The following SH3D19 variants were observed in gnomAD, a reference collection of about 807,000 sequenced individuals.
SH3D19 encodes the protein SH3 domain containing 19.
SH3D19 carries 58 observed loss-of-function variants against 112.1 expected under a neutral mutation model. That is an observed-to-expected ratio of 0.52 (90% CI 0.42 to 0.64). SH3D19 has a LOEUF of 0.64. Ranked by LOEUF, SH3D19 falls within the 30% of genes least tolerant of loss-of-function variation. The pLI is 0.00. For synonymous variants in SH3D19, 391 were observed against 448.5 expected, an observed-to-expected ratio of 0.87 and a Z score of 1.62; for missense variants, 1,090 against 1,263.4, an observed-to-expected ratio of 0.86 and a Z score of 2.08.
At chr4:151,153,863 C>T (rs1404669077) in intron 9 of SH3D19, among the ~76,000 whole-genome samples, 2 of 152,194 alleles carry the variant, frequency 1.3e-5, no homozygotes, top group Non-Finnish European at 2.9e-5. Context: ...GGTATCTCTC[C>T]AGATGGTTTA....
At chr4:151,205,620 C>T (rs1393967569) in intron 2 of SH3D19, among the ~76,000 whole-genome samples, 1 of 152,088 alleles carries the variant, frequency 6.6e-6, no homozygotes, top group African/African-American at 2.4e-5. Flanking sequence ...AAATATGAAA[C>T]TTAAAACACT....
intron 1 of SH3D19, among the ~76,000 whole-genome samples, chr4:151,288,647 C>T (rs1004054719): frequency 3.3e-5 from 5 of 149,342 alleles, no homozygotes; most frequent in South Asian, 2.2e-4. Context: ...CCAGCCTGGG[C>T]GGGGCAACGA....
intron 7 of SH3D19, among the ~76,000 whole-genome samples, chr4:151,166,715 T>C (rs56357656): frequency 2.6e-3 from 403 of 152,318 alleles, no homozygotes; most frequent in Non-Finnish European, 4.0e-3. Context: ...CCATAGCTCC[T>C]GTGATGAACA....
At position 151,137,860 on chromosome 4, in the gene SH3D19, G is replaced by T; in HGVS notation, c.2299C>A (p.Gln767Lys). ...GAAGTGAGGTTCAAATCATCAACTT[G>T]CTCTGTAATATAAAATTATAGTTAT... ...AVVLHDFPAE[Q>K]VDDLNLTSGE... Residue 767 changes from glutamine to lysine, a missense_variant and splice_region_variant, in exon 14 of 20, where the codon CAA becomes AAA. Gln to Lys is a moderately conservative substitution (Grantham distance 53). Coordinates refer to ENST00000604030, the MANE Select transcript of SH3D19 (RefSeq NM_001378122.1). 1 of 1,592,446 alleles carries T rather than the reference G, an allele frequency of 6.3e-7. No homozygotes were observed. The highest frequency in any genetic ancestry group is 8.5e-7 in the Non-Finnish European group (1 of 1,173,590).
Position 151,127,604 on chromosome 4 carries a change from A to G in SH3D19, c.3027+14T>C. ...TAGTGCTTAATGCAGTTATGAAGAG[A>G]TACACATTCTGACCTTGAAGGAAAG... On this transcript the variant is annotated intron_variant, in intron 19 of 19. Transcript: ENST00000604030. 6.6e-7 allele frequency: 1 copy of G among 1,507,090 alleles called. No individual in the cohort carries two copies. Among genetic ancestry groups the G allele is most frequent in the Non-Finnish European group, 9.1e-7 (1 of 1,102,552 alleles). The allele number at this position is 1,507,090 out of a possible 1,614,324, so 93.4% of individuals were successfully genotyped here.
chr4:151,191,765 C>A (rs1289831237), intron 2 of SH3D19, among the ~76,000 whole-genome samples: 1 of 151,772 alleles, frequency 6.6e-6, no homozygotes, highest in Non-Finnish European at 1.5e-5. Flanking sequence ...CCTGCCTCAG[C>A]TTCCCGAGTA....
rs563250736 is a variant in SH3D19, at chr4:151,290,373, G to A, written c.112+34868C>T. 7.2e-4 allele frequency among the ~76,000 whole-genome samples: 109 copies of A among 152,264 alleles called. 1 individual carries two copies. The highest frequency in any genetic ancestry group is 1.8e-3 in the African/African-American group (75 of 41,544). The stretch of plus-strand genomic sequence containing the variant: ...AATATTATTCAGCCCTAAAAGGAGT[G>A]GAGTACTGATACAACATGAAGGAAC... On this transcript the variant is annotated intron_variant, in intron 1 of 19. Transcript: ENST00000604030.
intron 2 of SH3D19, among the ~76,000 whole-genome samples, chr4:151,218,150 T>C (rs1767435615): frequency 6.6e-6 from 1 of 152,092 alleles, no homozygotes; most frequent in African/African-American, 2.4e-5. Context: ...AACTCTTAAG[T>C]GCCAAAAAAG....
chr4:151,127,157 C>G (rs1360414681), intron 19 of SH3D19, among the ~76,000 whole-genome samples: 3 of 152,080 alleles, frequency 2.0e-5, no homozygotes, highest in Non-Finnish European at 2.9e-5. Context: ...GTGATCCCCC[C>G]ACCTCGGCCT....
intron 1 of SH3D19, among the ~76,000 whole-genome samples, chr4:151,317,582 T>C (rs964032252): frequency 6.6e-6 from 1 of 152,158 alleles, no homozygotes; most frequent in Non-Finnish European, 1.5e-5. Flanking sequence ...TGGTTAAAAA[T>C]AGGTCATAGG....
rs138946784 is a variant in SH3D19 at position 151,313,025 on chromosome 4, G to A, written c.112+12216C>T. On this transcript the variant is annotated intron_variant, in intron 1 of 19. Coordinates refer to ENST00000604030, the MANE Select transcript of SH3D19 (RefSeq NM_001378122.1). ...AATCACTTGACCCTGGGAGGGGGAG[G>A]TTGCACTGAGCCGGGATCATGTCAC... Among the ~76,000 whole-genome samples the A allele has an allele frequency of 7.0e-3, 1,054 of 150,248 alleles. 14 individuals are homozygous for A. Among genetic ancestry groups the A allele is most frequent in the African/African-American group, 0.024 (991 of 40,994 alleles).
At position 151,135,152 on chromosome 4, in the gene SH3D19, G is replaced by T; in HGVS notation, c.2428-20C>A. 1 of 1,560,232 alleles carries T rather than the reference G, an allele frequency of 6.4e-7. No homozygotes were observed. The highest frequency in any genetic ancestry group is 8.7e-7 in the Non-Finnish European group (1 of 1,152,254). On this transcript the variant is annotated intron_variant, in intron 14 of 19. Transcript: ENST00000604030. ...ATCAATCTAGCAAAGATAAAATCAA[G>T]GCAACAATTATATTTTTTTCAGATT...
At position 151,132,428 on chromosome 4, in the gene SH3D19, T is replaced by C. The variant is rs1463846038; in HGVS notation, c.2690-45A>G. 11 of 1,550,860 alleles carry C rather than the reference T, an allele frequency of 7.1e-6. No homozygotes were observed. The Admixed American group carries it at 1.5e-4, about 22-fold the overall frequency. ...AAACACAAGAAGTCAGAACATTAGA[T>C]GTGAAGGCCACATAGTATTAAAAAC... On this transcript the variant is annotated intron_variant, in intron 16 of 19. Transcript: ENST00000604030.
At chr4:151,220,366 G>A (rs1157950570) in intron 2 of SH3D19, among the ~76,000 whole-genome samples, 1 of 152,220 alleles carries the variant, frequency 6.6e-6, no homozygotes, top group Non-Finnish European at 1.5e-5. Flanking sequence ...GGGAGGCCAA[G>A]ATTCAAATGA....
intron 1 of SH3D19, among the ~76,000 whole-genome samples, chr4:151,232,277 T>C (rs894048517): frequency 6.6e-6 from 1 of 152,216 alleles, no homozygotes; most frequent in African/African-American, 2.4e-5. Flanking sequence ...TTTAGGTTCT[T>C]ATCAGCAATT....
rs775542450 is a variant in SH3D19 at position 151,159,372 on chromosome 4, T to C, written c.1643-20A>G. 1.5e-6 allele frequency: 2 copies of C among 1,369,366 alleles called. No homozygotes were observed. Among genetic ancestry groups the C allele is most frequent in the Admixed American group, 2.1e-5 (1 of 47,460 alleles). The allele number at this position is 1,369,366 out of a possible 1,614,324, so 84.8% of individuals were successfully genotyped here. ...GTAAACCTGGAAAAAGTAGCAGTAA[T>C]TCATCAATAATTTCTAGTTTCTGGG... On this transcript the variant is annotated intron_variant, in intron 8 of 19. Coordinates refer to ENST00000604030, the MANE Select transcript of SH3D19 (RefSeq NM_001378122.1).
intron 2 of SH3D19, among the ~76,000 whole-genome samples, chr4:151,198,328 A>ATT (rs1488116907): frequency 6.6e-4 from 44 of 67,164 alleles, no homozygotes; most frequent in Non-Finnish European, 1.9e-3. Flanking sequence ...ATATATATAT[A>ATT]ATATAAAAAT....
intron 1 of SH3D19, among the ~76,000 whole-genome samples, chr4:151,237,068 C>T (rs72723786): frequency 2.7e-3 from 406 of 152,328 alleles, no homozygotes; most frequent in Non-Finnish European, 4.0e-3. Flanking sequence ...CTGCTGCTCA[C>T]CCTTTGGGTC....
chr4:151,177,983 CAGTG>C (rs1760220321), intron 4 of SH3D19, among the ~76,000 whole-genome samples: 1 of 152,188 alleles, frequency 6.6e-6, no homozygotes, highest in African/African-American at 2.4e-5. Flanking sequence ...GGCTGGAGTG[CAGTG>C]GCACAATCAT....
Sources: gnomAD v4.1 joint callset for allele counts (sites outside exome capture counted in the v4.1 genomes callset) on GRCh38, gnomAD v4.1.1 for gene constraint, MANE v1.5 for transcripts, NCBI Gene and HGNC (gene_info 2026-07-23, HGNC 2026-07-21) for gene names.